Variants in ATG10 observed in about 807,000 individuals in gnomAD.
The protein encoded by ATG10 is autophagy related 10, also known as ubiquitin-like-conjugating enzyme ATG10.
Under a neutral mutation model 32.1 loss-of-function variants are expected in ATG10, and 30 were observed. The observed-to-expected ratio is 0.94, with a 90% CI of 0.70 to 1.27. ATG10 has a LOEUF of 1.27. Among genes scored for constraint, ATG10 ranks in the 50% most tolerant of loss-of-function variants. The pLI is 0.00. For synonymous variants in ATG10, 87 were observed against 91.5 expected, an observed-to-expected ratio of 0.95 and a Z score of 0.28; for missense variants, 233 against 262.3, an observed-to-expected ratio of 0.89 and a Z score of 0.77.
At chr5:82,082,278 A>T (rs1366956806) in intron 3 of ATG10, among the ~76,000 whole-genome samples, 1 of 152,188 alleles carries the variant, frequency 6.6e-6, no homozygotes, top group African/African-American at 2.4e-5. Flanking sequence ...TTTTTCCTAG[A>T]CACCTTGGCC....
At position 82,164,418 on chromosome 5, in the gene ATG10, T is replaced by G; in HGVS notation, c.236T>G (p.Leu79Trp). The G allele has an allele frequency of 6.2e-7, 1 of 1,613,982 alleles. No homozygotes were observed. Reference sequence around the variant, plus strand: ...TTTTAGGAGGCTTTCGAGCTACCCTTGGATGATTGTGAAGTGATTGAAACT... The same window carrying G: ...TTTTAGGAGGCTTTCGAGCTACCCTGGGATGATTGTGAAGTGATTGAAACT... ...LPMEEAFELP[L>W]DDCEVIETAA... The change falls in exon 4 of 8, where the codon TTG (leucine) becomes TGG (tryptophan). Residue 79 changes from leucine to tryptophan, a missense_variant. Physicochemically the swap from Leu to Trp is moderately conservative, Grantham distance 61 (BLOSUM62 -2). Transcript: ENST00000282185.
chr5:82,138,638 G>A (rs1766872711), intron 3 of ATG10, among the ~76,000 whole-genome samples: 1 of 152,128 alleles, frequency 6.6e-6, no homozygotes, highest in Non-Finnish European at 1.5e-5. Context: ...GGTCTTGCTG[G>A]GAGCAGCAGA....
chr5:82,250,792 T>C (rs1056692830), intron 5 of ATG10, among the ~76,000 whole-genome samples: 7 of 152,238 alleles, frequency 4.6e-5, no homozygotes, highest in South Asian at 4.1e-4. Context: ...TCTATAACTA[T>C]AGCTAGAAGT....
chr5:82,113,201 GT>G (rs1182052734), intron 3 of ATG10, among the ~76,000 whole-genome samples: 2 of 151,772 alleles, frequency 1.3e-5, no homozygotes, highest in African/African-American at 4.8e-5. Flanking sequence ...CCTCCAGAAC[GT>G]TTAGCACCAG....
chr5:82,068,862 A>G (rs1764030614), intron 3 of ATG10, among the ~76,000 whole-genome samples: 1 of 150,600 alleles, frequency 6.6e-6, no homozygotes, highest in Non-Finnish European at 1.5e-5. Flanking sequence ...TTGACTTTAT[A>G]ATCGAATCTA....
chr5:81,988,231 G>A (rs1182387718), intron 2 of ATG10, among the ~76,000 whole-genome samples: 2 of 152,262 alleles, frequency 1.3e-5, no homozygotes, highest in East Asian at 3.9e-4. Flanking sequence ...CTGCCTTTGG[G>A]GTTCAAGTGA....
chr5:81,972,095 A>G lies in ATG10; in HGVS notation c.-224A>G, dbSNP rs1760737717. 2.0e-5 allele frequency: 3 copies of G among 152,070 alleles called. No homozygotes were observed. Among genetic ancestry groups the G allele is most frequent in the South Asian group, 2.1e-4 (1 of 4,824 alleles). 9.4% of individuals were successfully genotyped at this position (152,070 alleles called of 1,614,324 possible). A position where few individuals can be genotyped will look rare whatever the true frequency, so the allele number is the denominator to read the frequency against. On this transcript the variant is annotated 5_prime_UTR_variant, in exon 1 of 8. Coordinates refer to ENST00000282185, the MANE Select transcript of ATG10 (RefSeq NM_031482.5). ...GCCGCGGACCTGACTGAAGGAGGCC[A>G]CGGCCACTTCTGGTTGGCCTCGGGG...
chr5:81,975,977 G>A (rs1285954239), intron 1 of ATG10, among the ~76,000 whole-genome samples: 1 of 151,086 alleles, frequency 6.6e-6, no homozygotes, highest in African/African-American at 2.4e-5. Flanking sequence ...GAATGTTGTA[G>A]AGTTATTTAT....
At chr5:82,111,226 C>T (rs985351212) in intron 3 of ATG10, among the ~76,000 whole-genome samples, 2 of 151,926 alleles carry the variant, frequency 1.3e-5, no homozygotes, top group African/African-American at 4.8e-5. Context: ...CTATATTTAA[C>T]TGGATTAGTC....
chr5:82,207,352 T>G (rs1412015448), intron 5 of ATG10, among the ~76,000 whole-genome samples: 3 of 152,332 alleles, frequency 2.0e-5, no homozygotes, highest in African/African-American at 7.2e-5. Context: ...AATTTAGCCC[T>G]ACTGGTGGAT....
intron 3 of ATG10, among the ~76,000 whole-genome samples, chr5:82,138,563 C>T (rs1019610904): frequency 5.9e-5 from 9 of 152,058 alleles, no homozygotes; most frequent in Non-Finnish European, 1.2e-4. Context: ...CACTCTCTAA[C>T]GAGTCCCAAT....
chr5:82,048,732 G>A (rs1763305143), intron 2 of ATG10, among the ~76,000 whole-genome samples: 1 of 151,918 alleles, frequency 6.6e-6, no homozygotes, highest in African/African-American at 2.4e-5. Flanking sequence ...TCAAAAAGTG[G>A]GCGAAGGACA....
At chr5:82,060,183 T>C (rs534214117) in intron 3 of ATG10, among the ~76,000 whole-genome samples, 3 of 152,248 alleles carry the variant, frequency 2.0e-5, no homozygotes, top group African/African-American at 7.2e-5. Flanking sequence ...TTTTTCAACA[T>C]TTTTCATTTC....
intron 3 of ATG10, among the ~76,000 whole-genome samples, chr5:82,118,106 T>G (rs537576395): frequency 6.6e-6 from 1 of 152,008 alleles, no homozygotes; most frequent in East Asian, 1.9e-4. Flanking sequence ...AATAGGGAGC[T>G]AATTGGAAAT....
intron 2 of ATG10, among the ~76,000 whole-genome samples, chr5:82,016,209 C>T (rs1581601205): frequency 1.3e-5 from 2 of 152,026 alleles, no homozygotes. Context: ...TTTATGGTTT[C>T]AGGTCTTGAA....
chr5:82,214,133 A>G (rs1276738754), intron 5 of ATG10, among the ~76,000 whole-genome samples: 2 of 152,354 alleles, frequency 1.3e-5, no homozygotes, highest in African/African-American at 2.4e-5. Context: ...TGCTCATACC[A>G]TGTGGACTTC....
At chr5:82,085,563 C>T (rs987109506) in intron 3 of ATG10, among the ~76,000 whole-genome samples, 2 of 151,624 alleles carry the variant, frequency 1.3e-5, no homozygotes, top group African/African-American at 4.8e-5. Flanking sequence ...GGGTGCAGCA[C>T]ACCAACATGG....
intron 2 of ATG10, among the ~76,000 whole-genome samples, chr5:82,002,432 C>A (rs1761876316): frequency 6.6e-6 from 1 of 152,054 alleles, no homozygotes; most frequent in Non-Finnish European, 1.5e-5. Context: ...AAGCATGATA[C>A]ACATACACTA....
intron 5 of ATG10, 41 bp downstream of exon 5, chr5:82,178,628 A>C (rs1172170227): frequency 7.6e-7 from 1 of 1,307,382 alleles, no homozygotes; most frequent in African/African-American, 1.5e-5. Context: ...ATGTTATTGT[A>C]TTCTTTCCCG....
Sources: gnomAD v4.1 joint callset for allele counts (sites outside exome capture counted in the v4.1 genomes callset) on GRCh38, gnomAD v4.1.1 for gene constraint, MANE v1.5 for transcripts, NCBI Gene and HGNC (gene_info 2026-07-23, HGNC 2026-07-21) for gene names.